ARHGAP27: variants seen among roughly 807,000 people sequenced by gnomAD.
ARHGAP27 encodes Rho GTPase activating protein 27, also known as rho GTPase-activating protein 27.
In ARHGAP27, 53 loss-of-function variants were observed where a neutral mutation model predicts 102.0. The observed-to-expected ratio is 0.52, with a 90% confidence interval of 0.42 to 0.65. The LOEUF is 0.65. Among genes scored for constraint, ARHGAP27 ranks in the 30% least tolerant of loss-of-function variants. The probability of loss-of-function intolerance (pLI) is 0.00; values close to 1 mark genes in which losing one functional copy is unlikely to be tolerated. For missense variants in ARHGAP27, 1,117 were observed against 1,256.2 expected, an observed-to-expected ratio of 0.89 and a Z score of 1.68; for synonymous variants, 525 against 542.8, an observed-to-expected ratio of 0.97 and a Z score of 0.46.
chr17:45,416,032 GT>G (rs35276396), intron 4 of ARHGAP27, among the ~76,000 whole-genome samples: 36 of 143,290 alleles, frequency 2.5e-4, no homozygotes, highest in Admixed American at 4.2e-4. Flanking sequence ...TGAAGTTTTT[GT>G]TTTTTTTTTT....
At position 45,432,087 on chromosome 17, in the gene ARHGAP27, G is replaced by A. The variant is rs557504511; in HGVS notation, c.-151+129C>T. 3.2e-3 allele frequency: 781 copies of A among 243,790 alleles called. 10 individuals are homozygous for A. Among genetic ancestry groups the A allele is most frequent in the African/African-American group, 0.018 (741 of 41,634 alleles). The allele number at this position is 243,790 out of a possible 1,614,324, so 15.1% of individuals were successfully genotyped here. A position where few individuals can be genotyped will look rare whatever the true frequency, so the allele number is the denominator to read the frequency against. ...CCTGTGCGCGGCTCTGGGAATGCCG[G>A]GCTGGGGCTGGTTGTCTCGTGCGGG... On this transcript the variant is annotated intron_variant, in intron 2 of 19. Transcript: ENST00000685559.
chr17:45,424,579 G>C (rs1270043447), intron 4 of ARHGAP27, among the ~76,000 whole-genome samples: 2 of 152,078 alleles, frequency 1.3e-5, no homozygotes, highest in Non-Finnish European at 2.9e-5. Flanking sequence ...CTCTAGGAAG[G>C]GCAGAGAAAA....
At chr17:45,396,828 C>T (rs202060202) in intron 14 of ARHGAP27, 38 bp from the exon 15 acceptor site, 2 of 1,607,076 alleles carry the variant, frequency 1.2e-6, no homozygotes, top group East Asian at 2.2e-5. Context: ...CAGGAGGCAG[C>T]GCCAGGGCAG....
rs2045647906 is a variant in ARHGAP27, at chr17:45,396,286, T to A, written c.2174-2A>T. 1.2e-6 allele frequency: 2 copies of A among 1,610,078 alleles called. No individual in the cohort carries two copies. The highest frequency in any genetic ancestry group is 1.7e-6 in the Non-Finnish European group (2 of 1,178,514). On this transcript the variant is annotated splice_acceptor_variant, in intron 16 of 19. Coordinates refer to ENST00000685559, the MANE Select transcript of ARHGAP27 (RefSeq NM_001282290.2). LOFTEE classifies it high-confidence loss of function. ...GGTACAGCCCGTCGATGTCCAGCCC[T>A]GGGCCAGAGGGAGGCGCTGATCCCG...
chr17:45,423,993 G>A (rs1232033707), intron 4 of ARHGAP27, among the ~76,000 whole-genome samples: 5 of 152,242 alleles, frequency 3.3e-5, no homozygotes, highest in Non-Finnish European at 7.3e-5. Context: ...GAGGAGAAAG[G>A]AAGGGGGAGG....
At chr17:45,408,794 C>T (rs2047541134) in intron 4 of ARHGAP27, 1 of 152,282 alleles carries the variant, frequency 6.6e-6, no homozygotes, top group Non-Finnish European at 1.5e-5. Context: ...TGCTGGCACT[C>T]TGCTCACTGC....
chr17:45,428,820 G>A (rs1480578288), intron 4 of ARHGAP27, among the ~76,000 whole-genome samples: 1 of 152,024 alleles, frequency 6.6e-6, no homozygotes, highest in African/African-American at 2.4e-5. Context: ...TTTCCCCTCG[G>A]GCTGCCCCTC....
At position 45,396,963 on chromosome 17, in the gene ARHGAP27, C is replaced by T. The variant is rs200263300; in HGVS notation, c.1904G>A (p.Arg635His). Residue 635 changes from arginine (R) to histidine (H), a missense_variant, in exon 14 of 20, where the codon CGC (arginine) becomes CAC (histidine). By Grantham distance (29) the Arg-to-His change is conservative. This residue lies in a region of ARHGAP27 where 493 missense variants were observed against 505.5 expected (regional missense o/e 0.98). Transcript: ENST00000685559. The stretch of plus-strand genomic sequence containing the variant: ...CTCTTTCTCCTGCCAGCTTCCCAAG[C>T]GCTCGCTCGACCCGAAGTCCACTCT... ...SSRVDFGSSE[R>H]LGSWQEKEED... 21 of 1,605,810 alleles carry T rather than the reference C, an allele frequency of 1.3e-5. No individual in the cohort carries two copies. Among genetic ancestry groups the T allele is most frequent in the Middle Eastern group, 1.6e-4 (1 of 6,062 alleles).
chr17:45,408,686 C>T (rs1234240098), intron 4 of ARHGAP27: 2 of 152,372 alleles, frequency 1.3e-5, no homozygotes, highest in Non-Finnish European at 2.9e-5. Flanking sequence ...TCCAGCCATT[C>T]CCTCAGCCTG....
At chr17:45,407,382 C>T (rs1411254128) in intron 4 of ARHGAP27, among the ~76,000 whole-genome samples, 2 of 152,100 alleles carry the variant, frequency 1.3e-5, no homozygotes, top group Non-Finnish European at 2.9e-5. Context: ...CCCCCCATCC[C>T]CGTGCCCCCA....
At chr17:45,429,554 C>A (rs774330720) in intron 4 of ARHGAP27, 69 bp downstream of exon 4, 52 of 1,565,278 alleles carry the variant, frequency 3.3e-5, no homozygotes, top group Non-Finnish European at 4.3e-5. Context: ...TCTCCTTGCG[C>A]CCCGGCTCCG....
Position 45,406,005 on chromosome 17 carries a change from G to A in ARHGAP27, c.736C>T (p.Pro246Ser). Residue 246 changes from proline (P) to serine (S), a missense_variant, in exon 5 of 20, where the codon CCC (proline) becomes TCC (serine). Coordinates refer to ENST00000685559, the MANE Select transcript of ARHGAP27 (RefSeq NM_001282290.2). ...GTCTCCCACACCGGGCTGGGAAGGG[G>A]GGCTGCAGCGGCGCCCGGTGAAGTG... ...RATSPGAAAAPLPSPVWETHT... is the reference protein window; with the variant it reads ...RATSPGAAAASLPSPVWETHT... 6.5e-7 allele frequency: 1 copy of A among 1,535,022 alleles called. No homozygotes were observed. The highest frequency in any genetic ancestry group is 8.7e-7 in the Non-Finnish European group (1 of 1,146,338).
rs770658860 is a variant in ARHGAP27 at position 45,405,703 on chromosome 17, C to T, written c.1038G>A (p.Leu346=). 2.5e-6 allele frequency: 4 copies of T among 1,601,740 alleles called. No individual in the cohort carries two copies. The East Asian group carries it at 6.7e-5, about 27-fold the overall frequency. Reference sequence around the variant, plus strand: ...GCGGGTCCCCTGGGCTGCCAGGGCTCAGGCCCGGCTGCATCTCCAACTCCT... The same window carrying T: ...GCGGGTCCCCTGGGCTGCCAGGGCTTAGGCCCGGCTGCATCTCCAACTCCT... ...PEEELEMQPG[L]SPGSPGDPRP... Residue 346 remains leucine, a synonymous_variant, in exon 5 of 20, where the codon CTG becomes CTA. Coordinates refer to ENST00000685559, the MANE Select transcript of ARHGAP27 (RefSeq NM_001282290.2).
intron 4 of ARHGAP27, among the ~76,000 whole-genome samples, chr17:45,424,678 A>AG (rs55874939): frequency 7.0e-6 from 1 of 143,114 alleles, no homozygotes; most frequent in Non-Finnish European, 1.5e-5. Flanking sequence ...GAAGGGTGGG[A>AG]GGGGGGTGAG....
Position 45,425,200 on chromosome 17 carries a change from C to T in ARHGAP27, c.657+4423G>A, listed in dbSNP as rs185440667. Among the ~76,000 whole-genome samples the T allele has an allele frequency of 4.0e-4, 60 of 151,840 alleles. No homozygotes were observed. The East Asian group carries it at 0.01, about 26-fold the overall frequency. ...TCAGGTGTAAAGAAACCAGCAGGGC[C>T]ACCCCAGGGTGGCTGCCCCACCTGG... On this transcript the variant is annotated intron_variant, in intron 4 of 19. Transcript: ENST00000685559.
chr17:45,423,634 A>G (rs1876786972), intron 4 of ARHGAP27, among the ~76,000 whole-genome samples: 1 of 152,130 alleles, frequency 6.6e-6, no homozygotes, highest in African/African-American at 2.4e-5. Flanking sequence ...CATGCCATAC[A>G]ATATCATAAC....
chr17:45,430,125 G>C lies in ARHGAP27; in HGVS notation c.155C>G (p.Pro52Arg). The C allele has an allele frequency of 6.6e-7, 1 of 1,524,736 alleles. No individual in the cohort carries two copies. The highest frequency in any genetic ancestry group is 2.5e-5 in the East Asian group (1 of 40,384). The allele number at this position is 1,524,736 out of a possible 1,614,324, so 94.5% of individuals were successfully genotyped here. ...AGGCAGGTAGAAGGGGCGGCCGCCG[G>C]GCTCACGCCGCACGTGCCACCAGTG... ...TEHWWHVRRE[P>R]GGRPFYLPAQ... is the part of the protein sequence containing the mutation. The change falls in exon 4 of 20, where the codon CCC becomes CGC. Residue 52 changes from proline to arginine, a missense_variant. Physicochemically the swap from Pro to Arg is moderately radical, Grantham distance 103. Transcript: ENST00000685559. This position sits in a 1 kb window ranked among gnomAD's most constrained non-coding sequence, Gnocchi z 4.4.
chr17:45,405,980 G>A lies in ARHGAP27; in HGVS notation c.761C>T (p.Thr254Met). ...GCGCCCGGTGCCCGCGTCCGTGTGC[G>A]TCTCCCACACCGGGCTGGGAAGGGG... ...AAPLPSPVWE[T>M]HTDAGTGRPY... The change falls in exon 5 of 20, where the codon ACG becomes ATG. Residue 254 changes from threonine (T) to methionine (M), a missense_variant. By Grantham distance (81) the Thr-to-Met change is moderately conservative. This residue lies in a region of ARHGAP27 where 610 missense variants were observed against 716.4 expected (regional missense o/e 0.85). Coordinates refer to ENST00000685559, the MANE Select transcript of ARHGAP27 (RefSeq NM_001282290.2). The A allele has an allele frequency of 6.5e-7, 1 of 1,535,886 alleles. No homozygotes were observed. Among genetic ancestry groups the A allele is most frequent in the South Asian group, 1.2e-5 (1 of 84,054 alleles).
chr17:45,419,328 C>T (rs1567726992), intron 4 of ARHGAP27, among the ~76,000 whole-genome samples: 1 of 151,730 alleles, frequency 6.6e-6, no homozygotes. Context: ...AAAACGAAGC[C>T]ATAAATACAA....
Sources: allele counts gnomAD v4.1 joint callset (sites outside exome capture counted in the v4.1 genomes callset), GRCh38; gene constraint gnomAD v4.1.1; regional missense constraint gnomAD v4.1.1; non-coding constraint Gnocchi (gnomAD v3.1); transcripts MANE v1.5; gene names NCBI Gene and HGNC (gene_info 2026-07-23, HGNC 2026-07-21).